LANCL2: variants seen among roughly 807,000 people sequenced by gnomAD.
The protein encoded by LANCL2 is LanC like glutathione S-transferase 2, also known as lanC-like protein 2.
In LANCL2, 33 loss-of-function variants were observed where a neutral mutation model predicts 56.9. That is an observed-to-expected ratio of 0.58 (90% CI 0.44 to 0.78). LANCL2 has a LOEUF of 0.78. Ranked by LOEUF, LANCL2 falls within the 30% of genes least tolerant of loss-of-function variation. The pLI is 0.00. For missense variants in LANCL2, 562 were observed against 580.2 expected, an observed-to-expected ratio of 0.97 and a Z score of 0.32; for synonymous variants, 233 against 228.2, an observed-to-expected ratio of 1.02 and a Z score of -0.19.
At chr7:55,395,656 G>T (rs1790242156) in intron 2 of LANCL2, among the ~76,000 whole-genome samples, 1 of 152,174 alleles carries the variant, frequency 6.6e-6, no homozygotes, top group South Asian at 2.1e-4. Context: ...CAGTTTTCCA[G>T]TCTAGCATAT....
chr7:55,371,934 G>A (rs1194597902), intron 1 of LANCL2, among the ~76,000 whole-genome samples: 1 of 151,890 alleles, frequency 6.6e-6, no homozygotes, highest in East Asian at 1.9e-4. Context: ...TGTGTCAGGT[G>A]GAAGGTGGGG....
chr7:55,371,048 A>G (rs576063147), intron 1 of LANCL2, among the ~76,000 whole-genome samples: 1 of 152,194 alleles, frequency 6.6e-6, no homozygotes, highest in African/African-American at 2.4e-5. Flanking sequence ...GCTGAAATCT[A>G]TTCACTTAGC....
At chr7:55,401,027 T>C (rs1790316125) in intron 4 of LANCL2, 147 bp from the exon 5 acceptor site, 4 of 443,922 alleles carry the variant, frequency 9.0e-6, no homozygotes, top group Non-Finnish European at 1.6e-5. Flanking sequence ...AATATAACTA[T>C]ATTAGCTGCT....
At chr7:55,396,007 C>G (rs1414784089) in intron 2 of LANCL2, among the ~76,000 whole-genome samples, 1 of 152,150 alleles carries the variant, frequency 6.6e-6, no homozygotes, top group Admixed American at 6.5e-5. Context: ...AATACTGTAG[C>G]AATTGTAACA....
intron 1 of LANCL2, among the ~76,000 whole-genome samples, chr7:55,375,228 T>C (rs1175298579): frequency 1.3e-5 from 2 of 152,256 alleles, no homozygotes; most frequent in Non-Finnish European, 2.9e-5. Flanking sequence ...CTTTAAAGTT[T>C]TCTGTATTTT....
intron 1 of LANCL2, among the ~76,000 whole-genome samples, chr7:55,386,302 T>C (rs903936596): frequency 6.6e-6 from 1 of 152,246 alleles, no homozygotes. Flanking sequence ...GTTTAGAGGT[T>C]GCAGTAAAGA....
At chr7:55,390,770 A>C (rs974905377) in intron 1 of LANCL2, among the ~76,000 whole-genome samples, 2 of 146,832 alleles carry the variant, frequency 1.4e-5, no homozygotes, top group Admixed American at 1.4e-4. Context: ...GACAGAGCAA[A>C]ACTGTCTCAA....
intron 1 of LANCL2, among the ~76,000 whole-genome samples, chr7:55,376,494 C>A (rs1247582697): frequency 1.3e-5 from 2 of 152,142 alleles, no homozygotes; most frequent in African/African-American, 4.8e-5. Context: ...AAAGGGTCTC[C>A]TAGGTCCACC....
intron 1 of LANCL2, among the ~76,000 whole-genome samples, chr7:55,385,836 G>A (rs1310270828): frequency 6.6e-6 from 1 of 152,168 alleles, no homozygotes; most frequent in Non-Finnish European, 1.5e-5. Context: ...ATGGGAGACT[G>A]GAGTTTATTT....
At chr7:55,394,397 C>A (rs1460828744) in intron 2 of LANCL2, among the ~76,000 whole-genome samples, 1 of 152,006 alleles carries the variant, frequency 6.6e-6, no homozygotes, top group Non-Finnish European at 1.5e-5. Flanking sequence ...CATAACAAGA[C>A]CCCATCTCTA....
chr7:55,424,846 G>T (rs375017013), intron 6 of LANCL2, among the ~76,000 whole-genome samples: 2 of 152,168 alleles, frequency 1.3e-5, no homozygotes, highest in Non-Finnish European at 2.9e-5. Flanking sequence ...TCAGATCAGC[G>T]GCCACATTAG....
At chr7:55,417,406 G>T (rs889341861) in intron 6 of LANCL2, among the ~76,000 whole-genome samples, 1 of 151,906 alleles carries the variant, frequency 6.6e-6, no homozygotes, top group African/African-American at 2.4e-5. Flanking sequence ...AATAAGCCTG[G>T]GTCTGTTTCT....
intron 1 of LANCL2, among the ~76,000 whole-genome samples, chr7:55,373,439 C>T (rs2128991049): frequency 6.6e-6 from 1 of 152,126 alleles, no homozygotes; most frequent in African/African-American, 2.4e-5. Flanking sequence ...TGCAGGTGTA[C>T]TCCACCACAC....
chr7:55,408,772 G>A lies in LANCL2; in HGVS notation c.826-3135G>A, dbSNP rs191667526. Among the ~76,000 whole-genome samples the A allele has an allele frequency of 1.8e-3, 281 of 152,048 alleles. 3 individuals are homozygous for A. The highest frequency in any genetic ancestry group is 0.012 in the East Asian group (59 of 5,118). Reference sequence around the variant, plus strand: ...AGACAGACAAATCCACATCATGCCCGTTATTGTGAAAGCTTAAGATAAAGG... The same window carrying A: ...AGACAGACAAATCCACATCATGCCCATTATTGTGAAAGCTTAAGATAAAGG... On this transcript the variant is annotated intron_variant, in intron 5 of 8. Transcript: ENST00000254770.
At chr7:55,381,071 A>T (rs1055218989) in intron 1 of LANCL2, among the ~76,000 whole-genome samples, 14 of 152,026 alleles carry the variant, frequency 9.2e-5, no homozygotes, top group Admixed American at 8.5e-4. Context: ...GGGTTTCACC[A>T]TGTTGGCCAG....
chr7:55,416,460 T>G (rs1161389217), intron 6 of LANCL2, among the ~76,000 whole-genome samples: 2 of 152,120 alleles, frequency 1.3e-5, no homozygotes, highest in Non-Finnish European at 2.9e-5. Flanking sequence ...CTAAATCTTT[T>G]TATTTTTGTA....
At chr7:55,416,983 T>TTTTTTTTTG (rs1790548504) in intron 6 of LANCL2, among the ~76,000 whole-genome samples, 1 of 137,778 alleles carries the variant, frequency 7.3e-6, no homozygotes, top group Non-Finnish European at 1.6e-5. Context: ...TTTTTTTTTT[T>TTTTTTTTTG]TTTTTTTTTT....
intron 4 of LANCL2, 24 bp from the exon 5 acceptor site, chr7:55,401,150 T>C: frequency 6.2e-7 from 1 of 1,609,316 alleles, no homozygotes; most frequent in South Asian, 1.1e-5. Flanking sequence ...GTTTTAGATT[T>C]ATGCTGTCTT....
chr7:55,406,431 T>C (rs554511179), intron 5 of LANCL2, among the ~76,000 whole-genome samples: 1 of 152,292 alleles, frequency 6.6e-6, no homozygotes, highest in East Asian at 1.9e-4. Context: ...CAGAGTCGGC[T>C]GAAAGATCTG....
Sources: gnomAD v4.1 joint callset for allele counts (sites outside exome capture counted in the v4.1 genomes callset) on GRCh38, gnomAD v4.1.1 for gene constraint, MANE v1.5 for transcripts, NCBI Gene and HGNC (gene_info 2026-07-23, HGNC 2026-07-21) for gene names.